The following CCDC183 variants were observed in gnomAD, a reference collection of about 807,000 sequenced individuals.
CCDC183 encodes the protein coiled-coil domain-containing protein 183.
A neutral mutation model predicts 65.2 loss-of-function variants in CCDC183; 63 were observed. That is an observed-to-expected ratio of 0.97 (90% CI 0.79 to 1.19). The LOEUF is 1.19. Ranked by LOEUF, CCDC183 falls within the 50% of genes most tolerant of loss-of-function variation. The pLI is 0.00. For missense variants in CCDC183, 769 were observed against 689.3 expected (o/e 1.12, Z -1.30); for synonymous variants, 323 against 276.5 (o/e 1.17, Z -1.67).
In CCDC183 at chr9:136,806,212, G is replaced by A. The variant is rs1426031811; in HGVS notation, c.1083G>A (p.Lys361=). The change falls in exon 10 of 14, where the codon AAG becomes AAA. Residue 361 remains lysine, a synonymous_variant. Coordinates refer to ENST00000338005, the MANE Select transcript of CCDC183 (RefSeq NM_001039374.5). ...TGGAGCTGGAGGAGGCCGTGCTCAA[G>A]TTCCGCCAGAAGCCTAGCTCCATCA... The part of the protein sequence containing the change: ...KQLELEEAVL[K]FRQKPSSISF... 1 of 1,587,206 alleles carries A rather than the reference G, an allele frequency of 6.3e-7. No homozygotes were observed. Among genetic ancestry groups the A allele is most frequent in the Admixed American group, 1.8e-5 (1 of 56,768 alleles).
At chr9:136,803,618 A>C (rs757690070) in intron 6 of CCDC183, among the ~76,000 whole-genome samples, 2 of 152,222 alleles carry the variant, frequency 1.3e-5, no homozygotes, top group Non-Finnish European at 2.9e-5. Context: ...GAAATGCCAC[A>C]CAGCCCCTGA....
In CCDC183 at chr9:136,806,600, G is replaced by A. The variant is rs763690270; in HGVS notation, c.1206G>A (p.Leu402=). 2.5e-6 allele frequency: 4 copies of A among 1,613,648 alleles called. No homozygotes were observed. ...AHSNMTKGQE[L]LLTIQMGIDN... ...GCAACATGACCAAGGGCCAGGAGCT[G>A]CTGCTGACCATCCAGATGGGCATCG... Residue 402 remains leucine, a synonymous_variant, in exon 11 of 14, where the codon CTG becomes CTA. Coordinates refer to ENST00000338005, the MANE Select transcript of CCDC183 (RefSeq NM_001039374.5).
At chr9:136,806,423 C>G (rs1286954386) in intron 10 of CCDC183, 81 bp from the exon 11 acceptor site, 9 of 1,571,390 alleles carry the variant, frequency 5.7e-6, no homozygotes, top group Non-Finnish European at 6.1e-6. Flanking sequence ...CAGCACCCAA[C>G]TCAGGACTGG....
At position 136,807,663 on chromosome 9, in the gene CCDC183, C is replaced by T; in HGVS notation, c.1578C>T (p.Leu526=). 6.2e-7 allele frequency: 1 copy of T among 1,603,034 alleles called. No individual in the cohort carries two copies. The highest frequency in any genetic ancestry group is 8.5e-7 in the Non-Finnish European group (1 of 1,175,222). ...RQAQRLIEGK[L]KAAKKKKK ...CGCAGCGGCTAATCGAGGGGAAGCT[C>T]AAGGCGGCCAAGAAAAAGAAGAAGT... The change falls in exon 14 of 14, where the codon CTC becomes CTT. Residue 526 remains leucine, a synonymous_variant. Transcript: ENST00000338005.
At chr9:136,798,586 C>T (rs563464015) in intron 1 of CCDC183, among the ~76,000 whole-genome samples, 9 of 152,276 alleles carry the variant, frequency 5.9e-5, no homozygotes, top group East Asian at 3.9e-4. Flanking sequence ...TGTGAGCCAC[C>T]GCTCCTGGCC....
In CCDC183 at chr9:136,807,673, A is replaced by C. The variant is rs202106813; in HGVS notation, c.1588A>C (p.Lys530Gln). Residue 530 changes from lysine to glutamine, a missense_variant, in exon 14 of 14, where the codon AAG becomes CAG. Physicochemically the swap from Lys to Gln is moderately conservative, Grantham distance 53. Coordinates refer to ENST00000338005, the MANE Select transcript of CCDC183 (RefSeq NM_001039374.5). ...AATCGAGGGGAAGCTCAAGGCGGCC[A>C]AGAAAAAGAAGAAGTAGCCCCGCCG... ...RLIEGKLKAA[K>Q]KKKK is the part of the protein sequence containing the mutation. 340 of 1,601,774 alleles carry C rather than the reference A, an allele frequency of 2.1e-4. No individual in the cohort carries two copies. In the African/African-American group the frequency reaches 4.4e-3, roughly 21 times the overall value.
Position 136,803,158 on chromosome 9 carries a change from AGGGCC to A in CCDC183, c.666+373_666+377del, listed in dbSNP as rs1564350070. On this transcript the variant is annotated intron_variant, in intron 6 of 13. Coordinates refer to ENST00000338005, the MANE Select transcript of CCDC183 (RefSeq NM_001039374.5). ...TCAGGGCCCAGGGCTGGGGCCCCCC[AGGGCC>A]AGCCCTCTTGGATCTTCGGATGGGG... Among the ~76,000 whole-genome samples the A allele has an allele frequency of 6.6e-4, 34 of 51,492 alleles. 5 individuals carry two copies. The highest frequency in any genetic ancestry group is 2.9e-3 in the African/African-American group (25 of 8,544). 33.8% of individuals were successfully genotyped at this position (51,492 alleles called of 152,430 possible). A position where few individuals can be genotyped will look rare whatever the true frequency, so the allele number is the denominator to read the frequency against.
rs2131139898 is a variant in CCDC183 at position 136,806,122 on chromosome 9, C to A, written c.993C>A (p.Asn331Lys). The A allele has an allele frequency of 6.4e-7, 1 of 1,555,724 alleles. No individual in the cohort carries two copies. Among genetic ancestry groups the A allele is most frequent in the South Asian group, 1.2e-5 (1 of 84,448 alleles). Residue 331 changes from asparagine (N) to lysine (K), a missense_variant, in exon 10 of 14, where the codon AAC becomes AAA. Asn to Lys is a moderately conservative substitution (Grantham distance 94, BLOSUM62 0). Transcript: ENST00000338005. ...TGGCCCAGAGGAACACGGAGGAGAA[C>A]CTGGAGCTGCAGATGGAGGACTGTG... ...RFLAQRNTEE[N>K]LELQMEDCEE...
At chr9:136,797,569 G>A (rs569660793) in intron 1 of CCDC183, among the ~76,000 whole-genome samples, 2 of 151,906 alleles carry the variant, frequency 1.3e-5, no homozygotes, top group African/African-American at 2.4e-5. Context: ...CTCCCAAGTA[G>A]CTGGGACTAC....
chr9:136,807,102 G>A (rs1426636282), intron 13 of CCDC183, 36 bp downstream of exon 13: 2 of 1,603,224 alleles, frequency 1.2e-6, no homozygotes, highest in East Asian at 2.2e-5. Context: ...GGCTGCAGGC[G>A]GGTGGCTGGA....
intron 1 of CCDC183, among the ~76,000 whole-genome samples, chr9:136,797,938 A>G (rs1259661244): frequency 6.6e-6 from 1 of 152,160 alleles, no homozygotes; most frequent in Non-Finnish European, 1.5e-5. Flanking sequence ...CTCCTGGCTC[A>G]GCCTCTTGAT....
chr9:136,802,420 A>C (rs761717859), intron 5 of CCDC183, among the ~76,000 whole-genome samples: 1 of 152,150 alleles, frequency 6.6e-6, no homozygotes, highest in Non-Finnish European at 1.5e-5. Flanking sequence ...GCATTTCATC[A>C]CAAACTCTCT....
Position 136,807,685 on chromosome 9 carries a change from A to T in CCDC183, c.1600A>T (p.Lys534Ter), listed in dbSNP as rs1050117709. Reference sequence around the variant, plus strand: ...GCTCAAGGCGGCCAAGAAAAAGAAGAAGTAGCCCCGCCGCCCCGCTCCCTG... The same window carrying T: ...GCTCAAGGCGGCCAAGAAAAAGAAGTAGTAGCCCCGCCGCCCCGCTCCCTG... The part of the protein sequence containing the change: ...GKLKAAKKKK[K>*] The change falls in exon 14 of 14, where the codon AAG becomes TAG. Residue 534 changes from lysine (K) to a stop codon, truncating the protein, a stop_gained. Coordinates refer to ENST00000338005, the MANE Select transcript of CCDC183 (RefSeq NM_001039374.5). LOFTEE classifies it high-confidence loss of function. 7.5e-6 allele frequency: 12 copies of T among 1,598,246 alleles called. 1 individual carries two copies. Among genetic ancestry groups the T allele is most frequent in the African/African-American group, 5.4e-5 (4 of 74,162 alleles).
In CCDC183 at chr9:136,807,668, C is replaced by A. The variant is rs765077386; in HGVS notation, c.1583C>A (p.Ala528Glu). Residue 528 changes from alanine (A) to glutamate (E), a missense_variant, in exon 14 of 14, where the codon GCG becomes GAG. Coordinates refer to ENST00000338005, the MANE Select transcript of CCDC183 (RefSeq NM_001039374.5). Reference sequence around the variant, plus strand: ...CGGCTAATCGAGGGGAAGCTCAAGGCGGCCAAGAAAAAGAAGAAGTAGCCC... The same window carrying A: ...CGGCTAATCGAGGGGAAGCTCAAGGAGGCCAAGAAAAAGAAGAAGTAGCCC... ...AQRLIEGKLK[A>E]AKKKKK 2 of 1,602,804 alleles carry A rather than the reference C, an allele frequency of 1.2e-6. No individual in the cohort carries two copies. The highest frequency in any genetic ancestry group is 2.2e-5 in the South Asian group (2 of 89,752).
At position 136,807,599 on chromosome 9, in the gene CCDC183, A is replaced by G. The variant is rs752667617; in HGVS notation, c.1514A>G (p.His505Arg). ...IDTFQFPDMD[H>R]SYVPSRAEIK... ...ACCTTCCAGTTCCCCGACATGGACC[A>G]CAGCTACGTCCCTTCGCGCGCCGAG... Residue 505 changes from histidine (H) to arginine (R), a missense_variant, in exon 14 of 14, where the codon CAC (histidine) becomes CGC (arginine). Physicochemically the swap from His to Arg is conservative, Grantham distance 29. Transcript: ENST00000338005. The G allele has an allele frequency of 2.0e-5, 32 of 1,606,228 alleles. No individual in the cohort carries two copies. The South Asian group carries it at 2.0e-4, about 10-fold the overall frequency.
At chr9:136,807,442 C>A in intron 13 of CCDC183, 130 bp from the exon 14 acceptor site, 2 of 1,210,198 alleles carry the variant, frequency 1.7e-6, no homozygotes, top group South Asian at 1.6e-5. Context: ...TGAGTCCTCC[C>A]GGCACGCTGG....
Position 136,807,706 on chromosome 9 carries a change from C to A in CCDC183, c.*16C>A. On this transcript the variant is annotated 3_prime_UTR_variant, in exon 14 of 14. Coordinates refer to ENST00000338005, the MANE Select transcript of CCDC183 (RefSeq NM_001039374.5). The stretch of plus-strand genomic sequence containing the variant: ...GAAGAAGTAGCCCCGCCGCCCCGCT[C>A]CCTGCTTTGCTACACAAATAAACAT... 1 of 1,586,458 alleles carries A rather than the reference C, an allele frequency of 6.3e-7. No homozygotes were observed. Among genetic ancestry groups the A allele is most frequent in the South Asian group, 1.1e-5 (1 of 87,944 alleles).
chr9:136,800,571 G>A (rs1209312491), intron 5 of CCDC183, 78 bp downstream of exon 5: 4 of 1,066,904 alleles, frequency 3.7e-6, no homozygotes, highest in Admixed American at 2.2e-5. Flanking sequence ...GGGCGGAGCC[G>A]CCCCGCACCC....
In CCDC183 at chr9:136,804,303, C is replaced by T. The variant is rs1051336353; in HGVS notation, c.667-199C>T. On this transcript the variant is annotated intron_variant, in intron 6 of 13. Coordinates refer to ENST00000338005, the MANE Select transcript of CCDC183 (RefSeq NM_001039374.5). This position sits in a 1 kb window ranked among gnomAD's most constrained non-coding sequence, Gnocchi z 4.1. Reference sequence around the variant, plus strand: ...AGCAGAGCGTCTGGGCTGGCACATGCTCTGAGGCATGGGCAAGGAGGGCCG... The same window carrying T: ...AGCAGAGCGTCTGGGCTGGCACATGTTCTGAGGCATGGGCAAGGAGGGCCG... 39 of 674,058 alleles carry T rather than the reference C, an allele frequency of 5.8e-5. No individual in the cohort carries two copies. The highest frequency in any genetic ancestry group is 4.3e-4 in the Middle Eastern group (1 of 2,334). 41.8% of individuals were successfully genotyped at this position (674,058 alleles called of 1,614,324 possible). A position where few individuals can be genotyped will look rare whatever the true frequency, so the allele number is the denominator to read the frequency against.
Sources: gnomAD v4.1 joint callset for allele counts (sites outside exome capture counted in the v4.1 genomes callset) on GRCh38, gnomAD v4.1.1 for gene constraint, Gnocchi (gnomAD v3.1) non-coding constraint, MANE v1.5 for transcripts, NCBI Gene and HGNC (gene_info 2026-07-23, HGNC 2026-07-21) for gene names.